IFT25: variants seen among roughly 807,000 people sequenced by gnomAD.
IFT25 encodes the protein intraflagellar transport protein 25 homolog.
At chr1:53,938,864 C>T in the IFT25 span, among the ~76,000 whole-genome samples, 3 of 152,082 alleles carry the variant, frequency 2.0e-5, no homozygotes, top group East Asian at 3.9e-4. Flanking sequence ...CACCTGAGGT[C>T]GGGAGTTCGA....
chr1:53,930,260 T>C, the IFT25 span: 1 of 967,872 alleles, frequency 1.0e-6, no homozygotes. Flanking sequence ...TCACATCTCC[T>C]TTCTGTTAAT....
At chr1:53,943,077 T>C in the IFT25 span, among the ~76,000 whole-genome samples, 2 of 145,630 alleles carry the variant, frequency 1.4e-5, no homozygotes, top group Admixed American at 6.7e-5. Flanking sequence ...TTTAAATTTC[T>C]TTTTTTTTAC....
At chr1:53,940,503 A>G in the IFT25 span, among the ~76,000 whole-genome samples, 10 of 152,232 alleles carry the variant, frequency 6.6e-5, no homozygotes, top group Admixed American at 6.5e-4. Context: ...CACAGATTTA[A>G]GCAAAAATAC....
the IFT25 span, among the ~76,000 whole-genome samples, chr1:53,936,819 T>C: frequency 1.2e-4 from 19 of 152,250 alleles, no homozygotes; most frequent in East Asian, 2.7e-3. Context: ...CCCTTTTTCA[T>C]TGACACATTA....
the IFT25 span, among the ~76,000 whole-genome samples, chr1:53,935,001 A>T: frequency 2.0e-5 from 3 of 152,152 alleles, no homozygotes; most frequent in African/African-American, 7.2e-5. Context: ...TCTGTCTCAA[A>T]AAAACAAAAA....
At chr1:53,935,481 C>T in the IFT25 span, among the ~76,000 whole-genome samples, 1,524 of 151,256 alleles carry the variant, frequency 0.01, 57 homozygotes, top group African/African-American at 0.035. Flanking sequence ...ATGATGAAAA[C>T]GTTCTAAAAT....
chr1:53,917,275 C>T, the IFT25 span, among the ~76,000 whole-genome samples: 2 of 152,112 alleles, frequency 1.3e-5, no homozygotes, highest in African/African-American at 4.8e-5. Flanking sequence ...TAATTTATTG[C>T]CACATTTGCT....
chr1:53,926,832 T>C, the IFT25 span, among the ~76,000 whole-genome samples: 1 of 151,922 alleles, frequency 6.6e-6, no homozygotes, highest in East Asian at 1.9e-4. Context: ...AAGTGGTCCT[T>C]CCATCTCAGC....
chr1:53,923,526 C>T, the IFT25 span: 1 of 204,068 alleles, frequency 4.9e-6, no homozygotes, highest in South Asian at 8.2e-5. Flanking sequence ...ATATGAATCT[C>T]ACTTGTCCTT....
At chr1:53,914,226 C>T in the IFT25 span, among the ~76,000 whole-genome samples, 1 of 152,310 alleles carries the variant, frequency 6.6e-6, no homozygotes, top group African/African-American at 2.4e-5. Context: ...TTAATAAAGT[C>T]TCTAGCTTTG....
the IFT25 span, chr1:53,929,623 A>G: frequency 6.5e-6 from 1 of 154,970 alleles, no homozygotes; most frequent in Non-Finnish European, 1.4e-5. Context: ...AAATAATCAG[A>G]GTTATCAGAT....
the IFT25 span, among the ~76,000 whole-genome samples, chr1:53,918,421 C>T: frequency 6.6e-6 from 1 of 152,126 alleles, no homozygotes; most frequent in Non-Finnish European, 1.5e-5. Flanking sequence ...TGGTCAATTA[C>T]GGCACAGGAG....
At chr1:53,936,928 C>T in the IFT25 span, among the ~76,000 whole-genome samples, 2 of 152,082 alleles carry the variant, frequency 1.3e-5, no homozygotes, top group African/African-American at 4.8e-5. Context: ...CTCCTGACCT[C>T]AAGCTATCCT....
the IFT25 span, among the ~76,000 whole-genome samples, chr1:53,920,864 T>C: frequency 2.0e-5 from 3 of 150,248 alleles, no homozygotes; most frequent in African/African-American, 7.4e-5. Flanking sequence ...TCTCTGAGGT[T>C]TTCAAGCCAG....
the IFT25 span, among the ~76,000 whole-genome samples, chr1:53,929,171 A>C: frequency 6.6e-6 from 1 of 152,096 alleles, no homozygotes; most frequent in African/African-American, 2.4e-5. Context: ...CACCAGGGGG[A>C]GACTGGGGTG....
At chr1:53,940,243 G>A in the IFT25 span, 1 of 578,102 alleles carries the variant, frequency 1.7e-6, no homozygotes, top group Non-Finnish European at 3.0e-6. Flanking sequence ...TAACATGTTT[G>A]TTTAGGTAAG....
At chr1:53,945,481 C>G in the IFT25 span, 1 of 152,696 alleles carries the variant, frequency 6.5e-6, no homozygotes, top group Non-Finnish European at 1.5e-5. Context: ...CACCAACATC[C>G]CCGTCCTTCT....
At chr1:53,941,800 T>C in the IFT25 span, among the ~76,000 whole-genome samples, 1 of 152,220 alleles carries the variant, frequency 6.6e-6, no homozygotes, top group South Asian at 2.1e-4. Context: ...GTTTACAAGC[T>C]ATACCAAACC....
chr1:53,940,693 T>A, the IFT25 span, among the ~76,000 whole-genome samples: 2 of 152,268 alleles, frequency 1.3e-5, no homozygotes, highest in African/African-American at 4.8e-5. Context: ...TTAAAATTTT[T>A]AAAAATTTTC....
Sources: allele counts gnomAD v4.1 joint callset (sites outside exome capture counted in the v4.1 genomes callset), GRCh38; gene constraint gnomAD v4.1.1; transcripts MANE v1.5; gene names NCBI Gene and HGNC (gene_info 2026-07-23, HGNC 2026-07-21).